Variants in ACY1 observed in about 807,000 individuals in gnomAD.
ACY1 encodes the protein aminoacylase-1.
Under a neutral mutation model 53.3 loss-of-function variants are expected in ACY1, and 38 were observed. That is an observed-to-expected ratio of 0.71 (90% CI 0.55 to 0.93). The LOEUF is 0.93. Among genes scored for constraint, ACY1 ranks in the 40% least tolerant of loss-of-function variants. ACY1 has a pLI of 0.00. For synonymous variants in ACY1, 177 were observed against 202.1 expected (o/e 0.88, Z 1.05); for missense variants, 484 against 540.9 (o/e 0.89, Z 1.04).
intron 12 of ACY1, 186 bp from the exon 13 acceptor site, chr3:51,988,338 G>T: frequency 3.0e-6 from 2 of 673,318 alleles, no homozygotes; most frequent in Non-Finnish European, 5.4e-6. Context: ...GGGTGGGAAG[G>T]TCCCAGACCT....
chr3:51,987,041 G>A lies in ACY1; in HGVS notation c.637G>A (p.Asp213Asn). 1.9e-6 allele frequency: 3 copies of A among 1,613,766 alleles called. No homozygotes were observed. The highest frequency in any genetic ancestry group is 2.2e-5 in the East Asian group (1 of 44,886). The change falls in exon 9 of 15, where the codon GAC (aspartate) becomes AAC (asparagine). Residue 213 changes from aspartate (D) to asparagine (N), a missense_variant. Asp to Asn is a conservative substitution (Grantham distance 23, BLOSUM62 1). Transcript: ENST00000636358. The stretch of plus-strand genomic sequence containing the variant: ...AGGCCATGCCTCACGCTTCATGGAG[G>A]ACACAGCAGCAGAGAAGCTGGTACG... ...RPGHASRFME[D>N]TAAEKLHKVV...
chr3:51,984,863 G>A, intron 2 of ACY1: 1 of 317,780 alleles, frequency 3.1e-6, no homozygotes. Context: ...CTTAGTGGCT[G>A]GGAATTGTGT....
At chr3:51,988,025 C>T in intron 12 of ACY1, 1 of 297,960 alleles carries the variant, frequency 3.4e-6, no homozygotes. Context: ...GCCACCACGC[C>T]CAGCTAATTT....
chr3:51,983,707 T>G, intron 1 of ACY1, 118 bp downstream of exon 1: 1 of 301,416 alleles, frequency 3.3e-6, no homozygotes, highest in Non-Finnish European at 6.3e-6. Context: ...CTTTTTTTTT[T>G]TTTAGGAGGG....
Position 51,987,025 on chromosome 3 carries a change from C to T in ACY1, c.621C>T (p.Ala207=), listed in dbSNP as rs1701088778. 1 of 1,613,256 alleles carries T rather than the reference C, an allele frequency of 6.2e-7. No individual in the cohort carries two copies. Among genetic ancestry groups the T allele is most frequent in the Non-Finnish European group, 8.5e-7 (1 of 1,180,012 alleles). The change falls in exon 9 of 15, where the codon GCC becomes GCT. Residue 207 remains alanine (A), a synonymous_variant. Coordinates refer to ENST00000636358, the MANE Select transcript of ACY1 (RefSeq NM_000666.3). ...CCAGCACTGGGAGGCCAGGCCATGC[C>T]TCACGCTTCATGGAGGACACAGCAG... is the stretch of plus-strand genomic sequence containing the variant. The part of the protein sequence containing the change: ...RVTSTGRPGH[A]SRFMEDTAAE...
chr3:51,988,975 A>G lies in ACY1; in HGVS notation c.1127A>G (p.Asp376Gly), dbSNP rs760443642. Residue 376 changes from aspartate (D) to glycine (G), a missense_variant, in exon 15 of 15, where the codon GAT (aspartate) becomes GGT (glycine). Transcript: ENST00000636358. ...NRTPVLLHDH[D>G]ERLHEAVFLR... is the part of the protein sequence containing the mutation. ...ACACCTGTGCTGCTGCACGACCACG[A>G]TGAACGGCTGCATGAGGCTGTGTTC... 13 of 1,614,122 alleles carry G rather than the reference A, an allele frequency of 8.1e-6. No homozygotes were observed. In the South Asian group the frequency reaches 1.3e-4, roughly 16 times the overall value.
At position 51,987,567 on chromosome 3, in the gene ACY1, G is replaced by A. The variant is rs368002392; in HGVS notation, c.864G>A (p.Glu288=). Residue 288 remains glutamate, a synonymous_variant, in exon 12 of 15, where the codon GAG becomes GAA. Transcript: ENST00000636358. ...CTCCCTTCTCTTAGGCTTTTGAGGA[G>A]CAGCTGCAGAGCTGGTGCCAGGCAG... ...APDVDFKAFE[E]QLQSWCQAAG... is the part of the protein sequence containing the mutation. The A allele has an allele frequency of 3.1e-6, 5 of 1,614,126 alleles. No homozygotes were observed. Among genetic ancestry groups the A allele is most frequent in the East Asian group, 2.2e-5 (1 of 44,878 alleles).
In ACY1 at chr3:51,987,047, G is replaced by C. The variant is rs1559780714; in HGVS notation, c.643G>C (p.Ala215Pro). The change falls in exon 9 of 15, where the codon GCA (alanine) becomes CCA (proline). Residue 215 changes from alanine (A) to proline (P), a missense_variant. By Grantham distance (27) the Ala-to-Pro change is conservative. Coordinates refer to ENST00000636358, the MANE Select transcript of ACY1 (RefSeq NM_000666.3). Reference protein sequence around the residue: ...GHASRFMEDTAAEKLHKVVNS... With the variant: ...GHASRFMEDTPAEKLHKVVNS... ...TGCCTCACGCTTCATGGAGGACACA[G>C]CAGCAGAGAAGCTGGTACGTGGCAC... 1.2e-6 allele frequency: 2 copies of C among 1,613,738 alleles called. No individual in the cohort carries two copies. The highest frequency in any genetic ancestry group is 2.7e-5 in the African/African-American group (2 of 74,912).
intron 4 of ACY1, among the ~76,000 whole-genome samples, 167 bp downstream of exon 4, chr3:51,985,632 G>T (rs569787345): frequency 6.6e-6 from 1 of 151,604 alleles, no homozygotes; most frequent in Non-Finnish European, 1.5e-5. Flanking sequence ...CCAGCAGCAA[G>T]TTCTGGGCCA....
rs188500751 is a variant in ACY1 at position 51,983,944 on chromosome 3, C to T, written c.-18-103C>T. ...GGGGGCTCCGAAACACGGTATCCTA[C>T]CCCTGTGGGAAGTCCGGGAGCCGCC... On this transcript the variant is annotated intron_variant, in intron 1 of 14. Transcript: ENST00000636358. 2.8e-5 allele frequency: 23 copies of T among 819,004 alleles called. No homozygotes were observed. The Admixed American group carries it at 3.2e-4, about 11-fold the overall frequency. The allele number at this position is 819,004 out of a possible 1,614,324, so 50.7% of individuals were successfully genotyped here.
chr3:51,988,549 C>T lies in ACY1; in HGVS notation c.947C>T (p.Pro316Leu), dbSNP rs1180847645. Reference sequence around the variant, plus strand: ...AAGTGGATGCACCCCCAAGTGACACCTACTGATGACTCAAACCCTTGGTGG... The same window carrying T: ...AAGTGGATGCACCCCCAAGTGACACTTACTGATGACTCAAACCCTTGGTGG... Reference protein sequence around the residue: ...AQKWMHPQVTPTDDSNPWWAA... With the variant: ...AQKWMHPQVTLTDDSNPWWAA... Residue 316 changes from proline to leucine, a missense_variant, in exon 13 of 15, where the codon CCT becomes CTT. Coordinates refer to ENST00000636358, the MANE Select transcript of ACY1 (RefSeq NM_000666.3). The T allele has an allele frequency of 6.2e-7, 1 of 1,614,140 alleles. No homozygotes were observed. Among genetic ancestry groups the T allele is most frequent in the Non-Finnish European group, 8.5e-7 (1 of 1,180,016 alleles).
chr3:51,984,878 G>A (rs1701003323), intron 2 of ACY1: 1 of 430,264 alleles, frequency 2.3e-6, no homozygotes, highest in South Asian at 2.5e-5. Context: ...TTGTGTACAT[G>A]GGTCCAAATT....
Position 51,987,162 on chromosome 3 carries a change from T to A in ACY1, c.673T>A (p.Ser225Thr), listed in dbSNP as rs1701096975. 1 of 1,613,988 alleles carries A rather than the reference T, an allele frequency of 6.2e-7. No individual in the cohort carries two copies. Among genetic ancestry groups the A allele is most frequent in the Non-Finnish European group, 8.5e-7 (1 of 1,180,008 alleles). The change falls in exon 10 of 15, where the codon TCC becomes ACC. Residue 225 changes from serine (S) to threonine (T), a missense_variant. Ser to Thr is a moderately conservative substitution (Grantham distance 58). Transcript: ENST00000636358. ...ATTCTCATAGCACAAGGTTGTAAACTCCATCCTGGCATTCCGGGAGAAGGA... is the reference window on the plus strand; with the variant it reads ...ATTCTCATAGCACAAGGTTGTAAACACCATCCTGGCATTCCGGGAGAAGGA... ...AAEKLHKVVN[S>T]ILAFREKEWQ...
Position 51,987,335 on chromosome 3 carries a change from AG to A in ACY1, c.738del (p.Ser247ProfsTer2), listed in dbSNP as rs764011222. 6.2e-7 allele frequency: 1 copy of A among 1,614,076 alleles called. No homozygotes were observed. Among genetic ancestry groups the A allele is most frequent in the Non-Finnish European group, 8.5e-7 (1 of 1,180,024 alleles). On this transcript the variant is annotated frameshift_variant, in exon 11 of 15. Coordinates refer to ENST00000636358, the MANE Select transcript of ACY1 (RefSeq NM_000666.3). LOFTEE classifies it high-confidence loss of function. ...CTGCAGTCAAACCCCCACCTGAAAG[AG>A]GGGTCCGTGACCTCCGTGAACCTGA... ...QRLQSNPHLKEGSVTSVNLTK... is the reference protein window; with the variant it reads ...QRLQSNPHLKXGSVTSVNLTK...
chr3:51,987,203 CA>C lies in ACY1; in HGVS notation c.707+8del. Reference sequence around the variant, plus strand: ...GGGAGAAGGAATGGCAGAGGTGAGGCAGCCTGGGAGGCAGTGGGGTGGCTCT... The same window carrying C: ...GGGAGAAGGAATGGCAGAGGTGAGGCGCCTGGGAGGCAGTGGGGTGGCTCT... On this transcript the variant is annotated splice_region_variant and intron_variant, in intron 10 of 14. Coordinates refer to ENST00000636358, the MANE Select transcript of ACY1 (RefSeq NM_000666.3). 1 of 1,614,136 alleles carries C rather than the reference CA, an allele frequency of 6.2e-7. No individual in the cohort carries two copies. The highest frequency in any genetic ancestry group is 2.2e-5 in the East Asian group (1 of 44,886).
chr3:51,984,256 C>T, intron 2 of ACY1, 98 bp downstream of exon 2: 3 of 1,138,248 alleles, frequency 2.6e-6, no homozygotes, highest in South Asian at 1.3e-5. Flanking sequence ...CTGAGCCCCA[C>T]TCTGCTGTCC....
rs1352164363 is a variant in ACY1 at position 51,986,356 on chromosome 3, G to C, written c.436+25G>C. The C allele has an allele frequency of 2.6e-6, 3 of 1,163,028 alleles. No individual in the cohort carries two copies. The Admixed American group carries it at 5.5e-5, about 21-fold the overall frequency. 72.0% of individuals were successfully genotyped at this position (1,163,028 alleles called of 1,614,324 possible). A position where few individuals can be genotyped will look rare whatever the true frequency, so the allele number is the denominator to read the frequency against. ...GGTAGGAGTGGCTCAGATACCTTTG[G>C]GAAAGGGGAGGGTGGGGCGGGGCAG... is the stretch of plus-strand genomic sequence containing the variant. On this transcript the variant is annotated intron_variant, in intron 6 of 14. Coordinates refer to ENST00000636358, the MANE Select transcript of ACY1 (RefSeq NM_000666.3).
chr3:51,988,686 C>A, intron 13 of ACY1, 80 bp from the exon 14 acceptor site: 4 of 1,587,838 alleles, frequency 2.5e-6, no homozygotes, highest in Non-Finnish European at 3.5e-6. Context: ...CCCTCCTTCT[C>A]CCACCTCTTT....
At chr3:51,988,458 T>C in intron 12 of ACY1, 66 bp from the exon 13 acceptor site, 1 of 1,476,144 alleles carries the variant, frequency 6.8e-7, no homozygotes, top group Non-Finnish European at 9.5e-7. Context: ...CACAGCCCAC[T>C]CTATGGGAAA....
Sources: allele counts gnomAD v4.1 joint callset (sites outside exome capture counted in the v4.1 genomes callset), GRCh38; gene constraint gnomAD v4.1.1; transcripts MANE v1.5; gene names NCBI Gene and HGNC (gene_info 2026-07-23, HGNC 2026-07-21).